The following TMEM145 variants were observed in gnomAD, a reference collection of about 807,000 sequenced individuals.
TMEM145 encodes the protein transmembrane protein 145.
TMEM145 carries 46 observed loss-of-function variants against 68.5 expected under a neutral mutation model. The ratio of observed to expected loss-of-function variants is 0.67; its 90% confidence interval spans 0.53 to 0.86. The LOEUF is 0.86. Among genes scored for constraint, TMEM145 ranks in the 40% least tolerant of loss-of-function variants. The pLI is 0.00. For missense variants in TMEM145, 570 were observed against 645.8 expected (o/e 0.88, Z 1.27); for synonymous variants, 255 against 280.2 (o/e 0.91, Z 0.90).
chr19:42,324,502 C>T, intron 14 of TMEM145: 2 of 985,364 alleles, frequency 2.0e-6, no homozygotes, highest in Non-Finnish European at 2.4e-6. Context: ...TGCACACGGC[C>T]GGGGGCACTG....
At chr19:42,317,609 G>T in intron 11 of TMEM145, 100 bp from the exon 12 acceptor site, 1 of 1,162,404 alleles carries the variant, frequency 8.6e-7, no homozygotes, top group South Asian at 1.4e-5. Flanking sequence ...CTTGTGTTCT[G>T]ACCGAGTACC....
chr19:42,324,810 A>T lies in TMEM145; in HGVS notation c.1475A>T (p.Asp492Val). The T allele has an allele frequency of 6.4e-7, 1 of 1,562,348 alleles. No homozygotes were observed. Among genetic ancestry groups the T allele is most frequent in the Non-Finnish European group, 8.6e-7 (1 of 1,161,210 alleles). Residue 492 changes from aspartate (D) to valine (V), a missense_variant, in exon 15 of 15, where the codon GAC (aspartate) becomes GTC (valine). Asp to Val is a radical substitution (Grantham distance 152). Transcript: ENST00000301204. ...RDLRPPGPLR[D>V]L ...CTCCGGCCCCCTGGCCCCCTTCGAG[A>T]CCTCTGACCCCGCTGGACTCCGGAA...
intron 13 of TMEM145, among the ~76,000 whole-genome samples, 191 bp downstream of exon 13, chr19:42,320,628 C>A (rs1324360755): frequency 6.6e-6 from 1 of 151,542 alleles, no homozygotes; most frequent in African/African-American, 2.4e-5. Context: ...AGTCCATTTT[C>A]TTCTCTTTTT....
At chr19:42,319,684 G>A (rs991702346) in intron 12 of TMEM145, among the ~76,000 whole-genome samples, 2 of 151,846 alleles carry the variant, frequency 1.3e-5, no homozygotes. Context: ...CTGACCTCAG[G>A]TGATCCACCT....
chr19:42,320,476 C>G, intron 13 of TMEM145, 39 bp downstream of exon 13: 1 of 1,612,092 alleles, frequency 6.2e-7, no homozygotes, highest in Non-Finnish European at 8.5e-7. Context: ...GGGGAGGACC[C>G]GAGGGCAGAA....
At chr19:42,322,948 G>A (rs996070410) in intron 13 of TMEM145, among the ~76,000 whole-genome samples, 30 of 152,098 alleles carry the variant, frequency 2.0e-4, no homozygotes, top group African/African-American at 7.0e-4. Flanking sequence ...TGATCCGCCC[G>A]CCTCGGCCTC....
At chr19:42,324,686 C>A in intron 14 of TMEM145, 51 bp from the exon 15 acceptor site, 1 of 1,015,198 alleles carries the variant, frequency 9.9e-7, no homozygotes. Context: ...CCCCCCTCCC[C>A]TCTGTGCCAA....
At position 42,319,438 on chromosome 19, in the gene TMEM145, T is replaced by G. The variant is rs1358714716; in HGVS notation, c.1074-879T>G. Among the ~76,000 whole-genome samples, 2 of 152,182 alleles carry G rather than the reference T, an allele frequency of 1.3e-5. 1 individual carries two copies. Among genetic ancestry groups the G allele is most frequent in the Non-Finnish European group, 2.9e-5 (2 of 68,026 alleles). On this transcript the variant is annotated intron_variant, in intron 12 of 14. Coordinates refer to ENST00000301204, the MANE Select transcript of TMEM145 (RefSeq NM_173633.3). ...TCATTCATTCGTCAAATATCTATTT[T>G]TTTTTGTTTGTTTGTTTTTTGTTTT...
intron 1 of TMEM145, 72 bp from the exon 2 acceptor site, chr19:42,314,200 A>G: frequency 6.4e-7 from 1 of 1,568,102 alleles, no homozygotes; most frequent in African/African-American, 1.4e-5. Flanking sequence ...GTAGGGAAGA[A>G]AAGTTGGGGG....
chr19:42,324,601 C>T (rs1429098531), intron 14 of TMEM145, 136 bp from the exon 15 acceptor site: 21 of 1,367,314 alleles, frequency 1.5e-5, no homozygotes, highest in Non-Finnish European at 1.9e-5. Flanking sequence ...TTTATCCCGG[C>T]CCGAGAGCTC....
At chr19:42,322,594 C>T (rs568300507) in intron 13 of TMEM145, among the ~76,000 whole-genome samples, 4 of 152,214 alleles carry the variant, frequency 2.6e-5, no homozygotes, top group African/African-American at 7.2e-5. Flanking sequence ...GTTAGGTTTC[C>T]GGGATATGGC....
intron 4 of TMEM145, 31 bp from the exon 5 acceptor site, chr19:42,314,761 G>T: frequency 1.2e-6 from 2 of 1,614,112 alleles, no homozygotes; most frequent in Non-Finnish European, 1.7e-6. Context: ...GGGCATCAAG[G>T]ACAGGCTTCA....
At position 42,315,012 on chromosome 19, in the gene TMEM145, A is replaced by T. The variant is rs1273637450; in HGVS notation, c.440A>T (p.Glu147Val). The T allele has an allele frequency of 1.2e-6, 2 of 1,613,920 alleles. No individual in the cohort carries two copies. Among genetic ancestry groups the T allele is most frequent in the Non-Finnish European group, 1.7e-6 (2 of 1,179,978 alleles). Residue 147 changes from glutamate (E) to valine (V), a missense_variant, in exon 6 of 15, where the codon GAG becomes GTG. Coordinates refer to ENST00000301204, the MANE Select transcript of TMEM145 (RefSeq NM_173633.3). ...CCACAGGGTGATGGATTGCAGCTGG[A>T]GTATGAGATGGTCCTCACCAATGGC... ...SFRSGDGLQL[E>V]YEMVLTNGKS...
chr19:42,314,881 C>T (rs774037786), intron 5 of TMEM145, 30 bp downstream of exon 5: 24 of 1,614,042 alleles, frequency 1.5e-5, no homozygotes, highest in Middle Eastern at 1.6e-4. Flanking sequence ...ATATTGCGCT[C>T]AGCAAGTGTG....
intron 8 of TMEM145, 104 bp downstream of exon 8, chr19:42,315,544 G>A (rs1196613934): frequency 1.6e-6 from 2 of 1,244,260 alleles, no homozygotes; most frequent in African/African-American, 1.5e-5. Context: ...CCTGGGTCCT[G>A]GGGGAGGAGG....
intron 8 of TMEM145, among the ~76,000 whole-genome samples, 158 bp downstream of exon 8, chr19:42,315,598 G>A (rs2038848795): frequency 6.6e-6 from 1 of 150,658 alleles, no homozygotes; most frequent in Non-Finnish European, 1.5e-5. Context: ...AAGGGCCTGG[G>A]GGCTTCGACT....
chr19:42,315,764 G>T (rs2038850520), intron 8 of TMEM145, among the ~76,000 whole-genome samples: 1 of 151,980 alleles, frequency 6.6e-6, no homozygotes, highest in Non-Finnish European at 1.5e-5. Flanking sequence ...GGACACGGTG[G>T]CTCACACCTG....
At chr19:42,314,925 T>A (rs761654520) in intron 5 of TMEM145, 68 bp from the exon 6 acceptor site, 1 of 1,613,592 alleles carries the variant, frequency 6.2e-7, no homozygotes, top group African/African-American at 1.3e-5. Flanking sequence ...CTGGACCACC[T>A]TCTCTTTGCC....
intron 12 of TMEM145, 116 bp from the exon 13 acceptor site, chr19:42,320,201 C>T (rs147833102): frequency 0.013 from 18,423 of 1,402,410 alleles, 159 homozygotes; most frequent in South Asian, 0.016. Flanking sequence ...CACTGGCTTC[C>T]CTCCAGTTTG....
Sources: gnomAD v4.1 joint callset for allele counts (sites outside exome capture counted in the v4.1 genomes callset) on GRCh38, gnomAD v4.1.1 for gene constraint, MANE v1.5 for transcripts, NCBI Gene and HGNC (gene_info 2026-07-23, HGNC 2026-07-21) for gene names.